The following GPALPP1 variants were observed in gnomAD, a reference collection of about 807,000 sequenced individuals.
The protein encoded by GPALPP1 is GPALPP motifs containing 1, also known as GPALPP motifs-containing protein 1.
A neutral mutation model predicts 38.9 loss-of-function variants in GPALPP1; 30 were observed. That is an observed-to-expected ratio of 0.77 (90% CI 0.58 to 1.05). GPALPP1 has a LOEUF of 1.05. Ranked by LOEUF, GPALPP1 falls within the 50% of genes least tolerant of loss-of-function variation. The pLI is 0.00. For missense variants in GPALPP1, 384 were observed against 408.8 expected (o/e 0.94, Z 0.52); for synonymous variants, 120 against 139.2 (o/e 0.86, Z 0.97).
intron 2 of GPALPP1, among the ~76,000 whole-genome samples, chr13:45,005,641 A>G (rs1410592641): frequency 3.3e-5 from 5 of 152,196 alleles, no homozygotes; most frequent in Non-Finnish European, 7.4e-5. Flanking sequence ...TACCACAGAA[A>G]ATATAGAATA....
At chr13:45,024,369 G>A (rs886910917) in intron 7 of GPALPP1, among the ~76,000 whole-genome samples, 1 of 151,146 alleles carries the variant, frequency 6.6e-6, no homozygotes, top group Admixed American at 6.6e-5. Context: ...GCGCGATCTC[G>A]GCTTACTGCA....
At chr13:45,011,535 C>T (rs946006031) in intron 4 of GPALPP1, among the ~76,000 whole-genome samples, 1 of 152,034 alleles carries the variant, frequency 6.6e-6, no homozygotes, top group Non-Finnish European at 1.5e-5. Flanking sequence ...AGACTGAGTG[C>T]CCAGCGAAGG....
At chr13:45,031,732 A>G (rs939326193), downstream of GPALPP1, 2 of 152,210 alleles carry the variant, frequency 1.3e-5, no homozygotes, top group African/African-American at 4.8e-5. Flanking sequence ...AATATTGACA[A>G]CAAAAGGACA....
chr13:45,016,044 G>C (rs567852685), intron 6 of GPALPP1, among the ~76,000 whole-genome samples: 8 of 151,614 alleles, frequency 5.3e-5, no homozygotes, highest in Non-Finnish European at 1.0e-4. Context: ...GATTAACCTA[G>C]CAAATTAAAT....
downstream of GPALPP1, chr13:45,034,634 C>T (rs1876339195): frequency 6.6e-6 from 1 of 151,344 alleles, no homozygotes; most frequent in African/African-American, 2.4e-5. Context: ...ATAGTGTCTA[C>T]TGATACTATG....
rs1198544646 is a variant in GPALPP1, at chr13:45,028,037, T to C, written c.*34T>C. ...ATTTCAGTGAGGTATATTTTAATACTGATCAATGTGAACTTTTCTAAATAC... is the reference window on the plus strand; with the variant it reads ...ATTTCAGTGAGGTATATTTTAATACCGATCAATGTGAACTTTTCTAAATAC... On this transcript the variant is annotated 3_prime_UTR_variant, in exon 8 of 8. Coordinates refer to ENST00000379151, the MANE Select transcript of GPALPP1 (RefSeq NM_018559.5). 3 of 1,049,186 alleles carry C rather than the reference T, an allele frequency of 2.9e-6. No homozygotes were observed. The highest frequency in any genetic ancestry group is 4.4e-6 in the Non-Finnish European group (3 of 683,702). 65.0% of individuals were successfully genotyped at this position (1,049,186 alleles called of 1,614,324 possible). A position where few individuals can be genotyped will look rare whatever the true frequency, so the allele number is the denominator to read the frequency against.
Position 45,000,670 on chromosome 13 carries a change from T to G in GPALPP1, c.89-3635T>G, listed in dbSNP as rs987831085. On this transcript the variant is annotated intron_variant, in intron 1 of 7. Coordinates refer to ENST00000379151, the MANE Select transcript of GPALPP1 (RefSeq NM_018559.5). ...GAAAAAACATATCTTCCCTCTTTAA[T>G]GTACTTAGAATCAAGAAGATGAAAA... Among the ~76,000 whole-genome samples, 5 of 152,322 alleles carry G rather than the reference T, an allele frequency of 3.3e-5. 1 individual carries two copies. The South Asian group carries it at 8.3e-4, about 25-fold the overall frequency.
At chr13:45,006,114 T>A in intron 2 of GPALPP1, 88 bp from the exon 3 acceptor site, 1 of 705,936 alleles carries the variant, frequency 1.4e-6, no homozygotes, top group Non-Finnish European at 2.5e-6. Context: ...TACAACTAGA[T>A]TTAATGCTTT....
At chr13:45,022,377 T>G (rs529297422) in intron 7 of GPALPP1, among the ~76,000 whole-genome samples, 1 of 152,072 alleles carries the variant, frequency 6.6e-6, no homozygotes, top group Non-Finnish European at 1.5e-5. Flanking sequence ...TAAAACTCAT[T>G]GAATATACAC....
intron 4 of GPALPP1, among the ~76,000 whole-genome samples, chr13:45,011,980 C>G (rs1037939869): frequency 6.6e-6 from 1 of 152,116 alleles, no homozygotes; most frequent in Non-Finnish European, 1.5e-5. Flanking sequence ...TTTTAAAACA[C>G]AGCAAAGCTC....
At chr13:45,026,887 A>G (rs1875869350) in intron 7 of GPALPP1, among the ~76,000 whole-genome samples, 1 of 152,158 alleles carries the variant, frequency 6.6e-6, no homozygotes, top group Non-Finnish European at 1.5e-5. Flanking sequence ...TGCTTTCCTA[A>G]ACAATATTCT....
exon 8 of GPALPP1, chr13:45,035,649 A>C (rs1172342072): frequency 6.6e-6 from 1 of 152,254 alleles, no homozygotes; most frequent in East Asian, 1.9e-4. Context: ...AATTCTGGAC[A>C]TAGCAGAATG....
intron 7 of GPALPP1, among the ~76,000 whole-genome samples, chr13:45,022,332 A>G (rs1875488014): frequency 6.6e-6 from 1 of 152,174 alleles, no homozygotes; most frequent in African/African-American, 2.4e-5. Flanking sequence ...CTGAAGTGAT[A>G]GAAAGGTTCC....
chr13:44,990,756 C>A (rs567004831), intron 1 of GPALPP1, among the ~76,000 whole-genome samples: 2 of 152,318 alleles, frequency 1.3e-5, no homozygotes, highest in African/African-American at 4.8e-5. Flanking sequence ...CTACTACAGG[C>A]CCCTTTCCAA....
At chr13:44,989,832 G>A in intron 1 of GPALPP1, 90 bp downstream of exon 1, 2 of 1,002,980 alleles carry the variant, frequency 2.0e-6, no homozygotes, top group Non-Finnish European at 3.0e-6. Context: ...AGGCCTAGGA[G>A]GGCGGAGGAG....
At chr13:45,019,093 ATATATTTATATATATT>A (rs1875181738) in intron 6 of GPALPP1, among the ~76,000 whole-genome samples, 1 of 134,670 alleles carries the variant, frequency 7.4e-6, no homozygotes, top group African/African-American at 2.9e-5. Context: ...ATATATGTAT[ATATATTTATATATATT>A]TATATGTATA....
intron 1 of GPALPP1, among the ~76,000 whole-genome samples, chr13:45,001,423 A>G (rs1475568950): frequency 6.6e-6 from 1 of 152,184 alleles, no homozygotes; most frequent in African/African-American, 2.4e-5. Flanking sequence ...AGTACCACTG[A>G]TAGCACCACC....
chr13:45,031,339 AT>A (rs1327897735), downstream of GPALPP1: 1 of 152,102 alleles, frequency 6.6e-6, no homozygotes. Flanking sequence ...TTTTGTTATA[AT>A]TTTTTCCCAA....
intron 7 of GPALPP1, among the ~76,000 whole-genome samples, chr13:45,021,555 C>T (rs7989133): frequency 1.3e-3 from 191 of 151,614 alleles, no homozygotes; most frequent in Middle Eastern, 0.01. Flanking sequence ...AATGCTGAGG[C>T]GGACAGATAG....
Sources: allele counts gnomAD v4.1 joint callset (sites outside exome capture counted in the v4.1 genomes callset), GRCh38; gene constraint gnomAD v4.1.1; transcripts MANE v1.5; gene names NCBI Gene and HGNC (gene_info 2026-07-23, HGNC 2026-07-21).